The following CCT3 variants were observed in gnomAD, a reference collection of about 807,000 sequenced individuals.
The protein encoded by CCT3 is T-complex protein 1 subunit gamma.
In CCT3, 10 loss-of-function variants were observed where a neutral mutation model predicts 65.3. That is an observed-to-expected ratio of 0.15 (90% CI 0.09 to 0.26). The LOEUF (loss-of-function observed/expected upper bound fraction) is 0.26, where lower values mean the gene tolerates loss of function less well. CCT3 is among the 10% of genes least tolerant of loss of function. The probability of loss-of-function intolerance (pLI) is 1.00; values close to 1 mark genes in which losing one functional copy is unlikely to be tolerated. For synonymous variants in CCT3, 225 were observed against 242.3 expected, an observed-to-expected ratio of 0.93 and a Z score of 0.66; for missense variants, 626 against 708.7, an observed-to-expected ratio of 0.88 and a Z score of 1.33.
intron 6 of CCT3, among the ~76,000 whole-genome samples, chr1:156,323,208 A>C (rs1664640896): frequency 6.6e-6 from 1 of 151,792 alleles, no homozygotes; most frequent in Non-Finnish European, 1.5e-5. Context: ...CGAGAGTCTG[A>C]GGCAGGATAA....
chr1:156,310,950 C>T lies in CCT3; in HGVS notation c.1401G>A (p.Arg467=), dbSNP rs957625599. ...GAGAAAAGCTTGGAGAGGAACTCAC[C>T]CGAAGGGAGGTAAGTAGACGGATGG... ...ASTIRLLTSL[R]AKHTQENCET... is the part of the protein sequence containing the mutation. The change falls in exon 12 of 14, where the codon CGG becomes CGA. Residue 467 remains arginine, a splice_region_variant and synonymous_variant. Coordinates refer to ENST00000295688, the MANE Select transcript of CCT3 (RefSeq NM_005998.5). 5.0e-6 allele frequency: 8 copies of T among 1,613,436 alleles called. No individual in the cohort carries two copies. The African/African-American group carries it at 9.3e-5, about 19-fold the overall frequency.
intron 5 of CCT3, among the ~76,000 whole-genome samples, chr1:156,330,734 C>T (rs1323794729): frequency 2.0e-5 from 3 of 151,756 alleles, no homozygotes; most frequent in Non-Finnish European, 4.4e-5. Flanking sequence ...CCAGCCTGGC[C>T]AACATGGTGA....
chr1:156,312,836 T>C (rs886864479), intron 10 of CCT3, among the ~76,000 whole-genome samples: 6 of 152,200 alleles, frequency 3.9e-5, no homozygotes, highest in Admixed American at 3.3e-4. Flanking sequence ...ACAGCATACC[T>C]ATATACACTA....
chr1:156,313,363 AGAG>A (rs1434691061), intron 10 of CCT3, among the ~76,000 whole-genome samples: 1,046 of 101,612 alleles, frequency 0.01, 12 homozygotes, highest in African/African-American at 0.036. Flanking sequence ...AAAAAAAAAA[AGAG>A]AGAGAGAGAG....
chr1:156,333,474 G>T lies in CCT3; in HGVS notation c.304+73C>A, dbSNP rs1665199627. The T allele has an allele frequency of 4.7e-6, 5 of 1,065,028 alleles. No homozygotes were observed. In the Admixed American group the frequency reaches 8.8e-5, roughly 19 times the overall value. The allele number at this position is 1,065,028 out of a possible 1,614,324, so 66.0% of individuals were successfully genotyped here. A position where few individuals can be genotyped will look rare whatever the true frequency, so the allele number is the denominator to read the frequency against. On this transcript the variant is annotated intron_variant, in intron 5 of 13. Coordinates refer to ENST00000295688, the MANE Select transcript of CCT3 (RefSeq NM_005998.5). ...ATCTGTAATTAGTGGATCTGTAACA[G>T]AATTTCCTTCTTAAAATATGACACA...
At chr1:156,329,035 A>G (rs574486644) in intron 5 of CCT3, among the ~76,000 whole-genome samples, 9 of 152,332 alleles carry the variant, frequency 5.9e-5, no homozygotes, top group African/African-American at 1.9e-4. Context: ...CATATATGAC[A>G]GTGGTCCCAT....
At chr1:156,331,496 A>C (rs2101671128) in intron 5 of CCT3, among the ~76,000 whole-genome samples, 1 of 152,112 alleles carries the variant, frequency 6.6e-6, no homozygotes. Flanking sequence ...CAGTCTGGCC[A>C]ACATGGTGAA....
At chr1:156,333,153 C>T (rs1242145758) in intron 5 of CCT3, 4 of 234,340 alleles carry the variant, frequency 1.7e-5, no homozygotes, top group Admixed American at 1.1e-4. Flanking sequence ...ATTAGCTGGG[C>T]GTGGTGGCAC....
intron 7 of CCT3, among the ~76,000 whole-genome samples, chr1:156,319,851 GAGA>G (rs1400217439): frequency 1.3e-5 from 2 of 152,172 alleles, no homozygotes; most frequent in Non-Finnish European, 2.9e-5. Context: ...GTGGACAGGA[GAGA>G]AAGCTTTCTG....
chr1:156,335,189 G>A, intron 2 of CCT3: 2 of 407,108 alleles, frequency 4.9e-6, no homozygotes, highest in South Asian at 7.3e-5. Context: ...TGTTTTTAAT[G>A]ACACCCCTAA....
At chr1:156,337,298 C>T in intron 1 of CCT3, 1 of 299,262 alleles carries the variant, frequency 3.3e-6, no homozygotes, top group Admixed American at 5.0e-5. Flanking sequence ...CTCCCAGCTA[C>T]TCGGGAGGCT....
intron 7 of CCT3, 52 bp from the exon 8 acceptor site, chr1:156,319,069 A>G: frequency 6.7e-7 from 1 of 1,491,260 alleles, no homozygotes; most frequent in Non-Finnish European, 9.1e-7. Context: ...CAATTTCTTA[A>G]TTTCCTTCCC....
chr1:156,316,761 T>G (rs1256631735), intron 10 of CCT3, among the ~76,000 whole-genome samples: 1 of 152,168 alleles, frequency 6.6e-6, no homozygotes, highest in Non-Finnish European at 1.5e-5. Flanking sequence ...TAGAATCGCA[T>G]AAATCGCAGC....
Position 156,310,981 on chromosome 1 carries a change from G to GCCC in CCT3, c.1367_1369dup (p.Gly456dup). The GCCC allele has an allele frequency of 6.2e-7, 1 of 1,614,174 alleles. No individual in the cohort carries two copies. The highest frequency in any genetic ancestry group is 8.5e-7 in the Non-Finnish European group (1 of 1,180,020). On this transcript the variant is annotated inframe_insertion, in exon 12 of 14. Coordinates refer to ENST00000295688, the MANE Select transcript of CCT3 (RefSeq NM_005998.5). ...GGAGGTAAGTAGACGGATGGTGCTG[G>GCCC]CCCCACAGTTCTGGATCAGGGTACG...
At chr1:156,319,804 G>A (rs1664474316) in intron 7 of CCT3, among the ~76,000 whole-genome samples, 1 of 152,192 alleles carries the variant, frequency 6.6e-6, no homozygotes, top group African/African-American at 2.4e-5. Context: ...CTGGCCACAA[G>A]CTATACTACT....
At chr1:156,318,398 T>A (rs888073122) in intron 8 of CCT3, among the ~76,000 whole-genome samples, 8 of 151,980 alleles carry the variant, frequency 5.3e-5, no homozygotes, top group Non-Finnish European at 7.4e-5. Context: ...TAATTTTTTT[T>A]AAATAAAGAC....
chr1:156,333,717 T>C, intron 4 of CCT3, 74 bp from the exon 5 acceptor site: 1 of 1,104,300 alleles, frequency 9.1e-7, no homozygotes, highest in East Asian at 2.4e-5. Context: ...CCCTAACTCT[T>C]GGGCTTCTTG....
At chr1:156,316,047 C>T (rs1664297924) in intron 10 of CCT3, among the ~76,000 whole-genome samples, 1 of 151,588 alleles carries the variant, frequency 6.6e-6, no homozygotes, top group Non-Finnish European at 1.5e-5. Flanking sequence ...GTAGAGTTGG[C>T]CCTCTATATC....
intron 10 of CCT3, among the ~76,000 whole-genome samples, chr1:156,315,758 A>G (rs1015967506): frequency 6.6e-6 from 1 of 152,182 alleles, no homozygotes; most frequent in African/African-American, 2.4e-5. Flanking sequence ...AGTCATCACT[A>G]CTATAACCAG....
Sources: allele counts gnomAD v4.1 joint callset (sites outside exome capture counted in the v4.1 genomes callset), GRCh38; gene constraint gnomAD v4.1.1; transcripts MANE v1.5; gene names NCBI Gene and HGNC (gene_info 2026-07-23, HGNC 2026-07-21).